SCAPER: variants seen among roughly 807,000 people sequenced by gnomAD.
SCAPER encodes S phase cyclin A-associated protein in the endoplasmic reticulum.
Under a neutral mutation model 182.2 loss-of-function variants are expected in SCAPER, and 98 were observed. The observed-to-expected ratio is 0.54, with a 90% confidence interval of 0.46 to 0.64. The LOEUF is 0.64. SCAPER is among the 30% of genes least tolerant of loss of function. The probability of loss-of-function intolerance (pLI) is 0.00; values close to 1 mark genes in which losing one functional copy is unlikely to be tolerated. For missense variants in SCAPER, 1,432 were observed against 1,690.0 expected, an observed-to-expected ratio of 0.85 and a Z score of 2.68; for synonymous variants, 605 against 564.6, an observed-to-expected ratio of 1.07 and a Z score of -1.01.
intron 21 of SCAPER, among the ~76,000 whole-genome samples, chr15:76,626,517 G>T (rs1285861749): frequency 6.6e-6 from 1 of 152,320 alleles, no homozygotes; most frequent in African/African-American, 2.4e-5. Context: ...AGGAGTTCAA[G>T]ACCAGCCTGG....
At chr15:76,838,223 G>C (rs898366007) in intron 5 of SCAPER, among the ~76,000 whole-genome samples, 2 of 152,132 alleles carry the variant, frequency 1.3e-5, no homozygotes, top group Non-Finnish European at 2.9e-5. Context: ...TGCAGACATA[G>C]GAAAAAACAA....
intron 2 of SCAPER, among the ~76,000 whole-genome samples, chr15:76,877,020 G>C (rs964874445): frequency 6.6e-6 from 1 of 152,132 alleles, no homozygotes; most frequent in Non-Finnish European, 1.5e-5. Context: ...AGGATTGCTT[G>C]AGTCCAGGAG....
intron 21 of SCAPER, among the ~76,000 whole-genome samples, chr15:76,651,075 CA>C (rs1323361003): frequency 6.6e-6 from 1 of 151,588 alleles, no homozygotes; most frequent in Non-Finnish European, 1.5e-5. Context: ...GCTTTCAAAT[CA>C]ATAATCTCAG....
chr15:76,544,279 A>G (rs1167056485), intron 23 of SCAPER, among the ~76,000 whole-genome samples: 2 of 152,226 alleles, frequency 1.3e-5, no homozygotes, highest in Non-Finnish European at 2.9e-5. Context: ...AGTTTAGTAC[A>G]GAATTACCAT....
intron 2 of SCAPER, among the ~76,000 whole-genome samples, chr15:76,870,898 A>T (rs1296897828): frequency 1.3e-5 from 2 of 152,138 alleles, no homozygotes. Context: ...TAAAAAGGTA[A>T]AATAAAAAGA....
chr15:76,419,275 G>C (rs2045860385), intron 26 of SCAPER, among the ~76,000 whole-genome samples: 1 of 149,712 alleles, frequency 6.7e-6, no homozygotes, highest in South Asian at 2.1e-4. Flanking sequence ...GCTGTGGTGA[G>C]CCAAGATCGC....
intron 22 of SCAPER, among the ~76,000 whole-genome samples, chr15:76,592,178 G>A (rs188323663): frequency 3.3e-5 from 5 of 151,494 alleles, no homozygotes; most frequent in Admixed American, 6.6e-5. Flanking sequence ...TCTACATATA[G>A]GTATATAAAA....
intron 28 of SCAPER, among the ~76,000 whole-genome samples, chr15:76,378,506 G>T (rs960954800): frequency 6.6e-6 from 1 of 152,150 alleles, no homozygotes; most frequent in African/African-American, 2.4e-5. Flanking sequence ...AAACTCATCC[G>T]TTGCTATACA....
In SCAPER at chr15:76,618,538, A is replaced by G. The variant is rs116968130; in HGVS notation, c.2711+3226T>C. Among the ~76,000 whole-genome samples, 21 of 152,302 alleles carry G rather than the reference A, an allele frequency of 1.4e-4. No homozygotes were observed. The East Asian group carries it at 3.9e-3, about 28-fold the overall frequency. Reference sequence around the variant, plus strand: ...TGTCCTGTGTCTTTTATCCAAGAGTATGATTTGTCTTTCCATTTATAAAAG... The same window carrying G: ...TGTCCTGTGTCTTTTATCCAAGAGTGTGATTTGTCTTTCCATTTATAAAAG... On this transcript the variant is annotated intron_variant, in intron 22 of 31. Transcript: ENST00000563290.
chr15:76,725,358 T>C (rs1205182988), intron 17 of SCAPER, among the ~76,000 whole-genome samples: 1 of 151,876 alleles, frequency 6.6e-6, no homozygotes, highest in African/African-American at 2.4e-5. Context: ...GATGGCCATA[T>C]TGGCTGCCTC....
intron 29 of SCAPER, among the ~76,000 whole-genome samples, chr15:76,370,968 C>G (rs889164641): frequency 7.2e-5 from 11 of 152,152 alleles, no homozygotes; most frequent in African/African-American, 2.7e-4. Flanking sequence ...TTCTACACCC[C>G]CCACCGCTAG....
chr15:76,826,354 C>A (rs1241781557), intron 5 of SCAPER, among the ~76,000 whole-genome samples: 1 of 136,776 alleles, frequency 7.3e-6, no homozygotes, highest in Non-Finnish European at 1.5e-5. Context: ...TAGGTGGGAA[C>A]TGAACAATGA....
chr15:76,779,709 G>GC (rs1159680281), intron 8 of SCAPER, among the ~76,000 whole-genome samples: 8 of 33,120 alleles, frequency 2.4e-4, no homozygotes, highest in Non-Finnish European at 4.4e-4. Flanking sequence ...TTGTTACTCT[G>GC]TTAAAAAAAA....
intron 22 of SCAPER, among the ~76,000 whole-genome samples, chr15:76,574,979 C>T (rs1278296524): frequency 6.6e-6 from 1 of 152,122 alleles, no homozygotes; most frequent in Non-Finnish European, 1.5e-5. Context: ...CCCTATATAT[C>T]ATCCCCGTTG....
intron 23 of SCAPER, among the ~76,000 whole-genome samples, chr15:76,546,017 T>C (rs2045252895): frequency 6.6e-6 from 1 of 152,156 alleles, no homozygotes; most frequent in African/African-American, 2.4e-5. Flanking sequence ...CGGAAAGTCC[T>C]AGCTCAACAT....
rs1481217504 is a variant in SCAPER, at chr15:76,653,307, T to C, written c.2645+12346A>G. Among the ~76,000 whole-genome samples, 6 of 152,308 alleles carry C rather than the reference T, an allele frequency of 3.9e-5. No individual in the cohort carries two copies. The East Asian group carries it at 9.6e-4, about 24-fold the overall frequency. ...TATACTGCCCAAAGCAATTTACAGA[T>C]ATAATGCTATTCATATCAAACTGCC... On this transcript the variant is annotated intron_variant, in intron 21 of 31. Transcript: ENST00000563290.
At chr15:76,821,267 C>T (rs1277390778) in intron 5 of SCAPER, among the ~76,000 whole-genome samples, 1 of 152,204 alleles carries the variant, frequency 6.6e-6, no homozygotes, top group Non-Finnish European at 1.5e-5. Flanking sequence ...AACTGTGGTA[C>T]ATCCAGAAAA....
intron 21 of SCAPER, among the ~76,000 whole-genome samples, chr15:76,633,769 T>C (rs773141530): frequency 1.3e-5 from 2 of 152,208 alleles, no homozygotes; most frequent in Admixed American, 6.5e-5. Context: ...CCAGTCTTAC[T>C]GGCACCTGCA....
intron 29 of SCAPER, among the ~76,000 whole-genome samples, chr15:76,359,514 T>C (rs964194388): frequency 9.9e-5 from 15 of 152,246 alleles, no homozygotes; most frequent in Admixed American, 9.2e-4. Flanking sequence ...CTTAACTTAC[T>C]GTGCATGTGT....
Sources: allele counts gnomAD v4.1 joint callset (sites outside exome capture counted in the v4.1 genomes callset), GRCh38; gene constraint gnomAD v4.1.1; transcripts MANE v1.5; gene names NCBI Gene and HGNC (gene_info 2026-07-23, HGNC 2026-07-21).